RARB: variants seen among roughly 807,000 people sequenced by gnomAD.
The protein encoded by RARB is HBV-activated protein.
RARB carries 17 observed loss-of-function variants against 51.9 expected under a neutral mutation model. That is an observed-to-expected ratio of 0.33 (90% CI 0.22 to 0.49). The LOEUF is 0.49. Among genes scored for constraint, RARB ranks in the 20% least tolerant of loss-of-function variants. RARB has a pLI of 0.99. For synonymous variants in RARB, 215 were observed against 195.4 expected (o/e 1.10, Z -0.84); for missense variants, 369 against 550.8 (o/e 0.67, Z 3.30).
chr3:24,979,850 T>C (rs917212744), intron 2 of RARB, among the ~76,000 whole-genome samples: 1 of 152,220 alleles, frequency 6.6e-6, no homozygotes, highest in Non-Finnish European at 1.5e-5. Flanking sequence ...CGTTAATTGA[T>C]GCAGTTTCTT....
intron 2 of RARB, among the ~76,000 whole-genome samples, chr3:25,025,937 A>G (rs1697738999): frequency 6.6e-6 from 1 of 152,198 alleles, no homozygotes; most frequent in Admixed American, 6.5e-5. Context: ...TGGCTTAAAA[A>G]ATGCTCAAAT....
chr3:25,344,739 T>C (rs1038342285), intron 5 of RARB, among the ~76,000 whole-genome samples: 2 of 152,218 alleles, frequency 1.3e-5, no homozygotes, highest in Admixed American at 6.5e-5. Flanking sequence ...AATCAGTTTT[T>C]ATTTGGTGTG....
chr3:25,008,434 A>C (rs1288577701), intron 2 of RARB, among the ~76,000 whole-genome samples: 2 of 152,046 alleles, frequency 1.3e-5, no homozygotes, highest in Non-Finnish European at 1.5e-5. Flanking sequence ...TATAGCTCTT[A>C]AGTACAGTTC....
At chr3:25,460,321 T>G (rs974873921) in intron 1 of RARB, among the ~76,000 whole-genome samples, 1 of 152,172 alleles carries the variant, frequency 6.6e-6, no homozygotes, top group African/African-American at 2.4e-5. Context: ...ATATTGTTAT[T>G]AATGAAGATC....
intron 2 of RARB, among the ~76,000 whole-genome samples, chr3:24,985,322 C>T (rs1359199806): frequency 6.6e-6 from 1 of 151,836 alleles, no homozygotes; most frequent in Non-Finnish European, 1.5e-5. Context: ...TCCATCACTG[C>T]CATGGCATTT....
At chr3:25,401,956 T>G (rs1707275044) in intron 5 of RARB, among the ~76,000 whole-genome samples, 1 of 152,062 alleles carries the variant, frequency 6.6e-6, no homozygotes, top group African/African-American at 2.4e-5. Context: ...TTTGTTATTT[T>G]TAGTAGAGAC....
At chr3:25,106,609 A>C (rs1699509379) in intron 3 of RARB, among the ~76,000 whole-genome samples, 1 of 150,486 alleles carries the variant, frequency 6.6e-6, no homozygotes, top group African/African-American at 2.5e-5. Flanking sequence ...TGGCTCATTT[A>C]AGTAAATTTA....
chr3:24,966,159 C>T (rs1302670286), intron 2 of RARB, among the ~76,000 whole-genome samples: 5 of 151,266 alleles, frequency 3.3e-5, no homozygotes, highest in Non-Finnish European at 5.9e-5. Context: ...TGACCTTTGG[C>T]ATTTTTACTA....
chr3:25,352,315 G>A (rs1292699915), intron 5 of RARB: 2 of 152,170 alleles, frequency 1.3e-5, no homozygotes, highest in African/African-American at 4.8e-5. Context: ...TCCTGTCCAA[G>A]TACTAACCAG....
At chr3:25,463,930 A>T (rs1032025807) in intron 2 of RARB, among the ~76,000 whole-genome samples, 1 of 152,150 alleles carries the variant, frequency 6.6e-6, no homozygotes, top group Non-Finnish European at 1.5e-5. Context: ...TTGGCAGCTG[A>T]CTAAAAAGGA....
chr3:25,449,353 C>G (rs939803138), intron 1 of RARB, among the ~76,000 whole-genome samples: 2 of 152,094 alleles, frequency 1.3e-5, no homozygotes, highest in Admixed American at 6.5e-5. Flanking sequence ...GGGGGACTTT[C>G]CTATTTTATT....
intron 2 of RARB, among the ~76,000 whole-genome samples, chr3:24,932,563 G>T (rs1695463843): frequency 6.6e-6 from 1 of 151,968 alleles, no homozygotes; most frequent in Non-Finnish European, 1.5e-5. Flanking sequence ...GCTATATATT[G>T]AATATTTGTT....
chr3:25,338,870 C>A (rs755184815), intron 5 of RARB, among the ~76,000 whole-genome samples: 1 of 152,146 alleles, frequency 6.6e-6, no homozygotes, highest in Non-Finnish European at 1.5e-5. Flanking sequence ...ACCAGACCTT[C>A]CCAAAATCAC....
At position 25,596,649 on chromosome 3, in the gene RARB, T is replaced by C. The variant is rs1409725863; in HGVS notation, c.*33T>C. On this transcript the variant is annotated 3_prime_UTR_variant, in exon 8 of 8. Transcript: ENST00000330688. ...TCTAGCTACTTCAAACATTCCCCAG[T>C]ACCTTCAGTTCCAGGATTTAAAATG... 8 of 1,496,020 alleles carry C rather than the reference T, an allele frequency of 5.3e-6. No homozygotes were observed. In the African/African-American group the frequency reaches 1.1e-4, roughly 21 times the overall value. The allele number at this position is 1,496,020 out of a possible 1,614,324, so 92.7% of individuals were successfully genotyped here.
At chr3:25,267,284 A>G (rs1003025343) in intron 5 of RARB, among the ~76,000 whole-genome samples, 6 of 152,232 alleles carry the variant, frequency 3.9e-5, no homozygotes, top group African/African-American at 1.4e-4. Flanking sequence ...TATACAAGGC[A>G]TTGTAAGGAA....
intron 5 of RARB, among the ~76,000 whole-genome samples, chr3:25,581,056 CT>C (rs1459727065): frequency 6.6e-6 from 1 of 152,180 alleles, no homozygotes; most frequent in African/African-American, 2.4e-5. Flanking sequence ...CTCAGGACCC[CT>C]GGCACCTGTA....
chr3:25,165,354 C>T (rs183765918), intron 4 of RARB, among the ~76,000 whole-genome samples: 95 of 152,120 alleles, frequency 6.2e-4, no homozygotes, highest in Non-Finnish European at 1.0e-3. Context: ...CTATGCCAGT[C>T]TTCTCTCTCT....
At chr3:25,383,692 C>T (rs1379248873) in intron 5 of RARB, among the ~76,000 whole-genome samples, 1 of 152,106 alleles carries the variant, frequency 6.6e-6, no homozygotes, top group Non-Finnish European at 1.5e-5. Flanking sequence ...CTTTGGGAGG[C>T]CGAGGCGAGC....
intron 2 of RARB, among the ~76,000 whole-genome samples, chr3:25,500,284 C>T (rs1176520263): frequency 2.0e-5 from 3 of 152,024 alleles, no homozygotes; most frequent in Non-Finnish European, 2.9e-5. Flanking sequence ...TCTAACATGC[C>T]ATTAAATGGG....
Sources: allele counts gnomAD v4.1 joint callset (sites outside exome capture counted in the v4.1 genomes callset), GRCh38; gene constraint gnomAD v4.1.1; transcripts MANE v1.5; gene names NCBI Gene and HGNC (gene_info 2026-07-23, HGNC 2026-07-21).